Variants in ARPC5L observed in about 807,000 individuals in gnomAD.
ARPC5L encodes the protein actin-related protein 2/3 complex subunit 5-like protein.
In ARPC5L, 4 loss-of-function variants were observed where a neutral mutation model predicts 16.9. The observed-to-expected ratio is 0.24, with a 90% CI of 0.12 to 0.54. The LOEUF (loss-of-function observed/expected upper bound fraction) is 0.54, where lower values mean the gene tolerates loss of function less well. ARPC5L is among the 20% of genes least tolerant of loss of function. ARPC5L has a pLI of 0.95. For synonymous variants in ARPC5L, 78 were observed against 82.6 expected (o/e 0.94, Z 0.30); for missense variants, 151 against 201.9 (o/e 0.75, Z 1.53).
chr9:124,873,500 T>C (rs774443786), intron 3 of ARPC5L, 192 bp from the exon 4 acceptor site: 24 of 622,114 alleles, frequency 3.9e-5, no homozygotes, highest in Non-Finnish European at 6.3e-5. Flanking sequence ...AGGGTTTGCA[T>C]GGTTGGCAGA....
In ARPC5L at chr9:124,869,365, C is replaced by G. The variant is rs949065314; in HGVS notation, c.75C>G (p.Asp25Glu). Reference protein sequence around the residue: ...IDEFDENKFVDEQEEAAAAAA... With the variant: ...IDEFDENKFVEEQEEAAAAAA... ...AATTTGACGAGAACAAATTTGTGGA[C>G]GAGCAGGAGGAGGCGGCGGCGGCGG... is the stretch of plus-strand genomic sequence containing the variant. Residue 25 changes from aspartate (D) to glutamate (E), a missense_variant, in exon 3 of 6, where the codon GAC becomes GAG. Coordinates refer to ENST00000353214, the MANE Select transcript of ARPC5L (RefSeq NM_030978.3). 6.1e-5 allele frequency: 94 copies of G among 1,530,876 alleles called. No homozygotes were observed. Among genetic ancestry groups the G allele is most frequent in the Non-Finnish European group, 8.0e-5 (91 of 1,138,598 alleles). 94.8% of individuals were successfully genotyped at this position (1,530,876 alleles called of 1,614,324 possible).
Position 124,876,708 on chromosome 9 carries a change from C to T in ARPC5L, c.400-170C>T, listed in dbSNP as rs76773172. On this transcript the variant is annotated intron_variant, in intron 5 of 5. Coordinates refer to ENST00000353214, the MANE Select transcript of ARPC5L (RefSeq NM_030978.3). Reference sequence around the variant, plus strand: ...AGAGCCAACAGCTCTCGGGACCCCACGGCTCCAGGACAGGGCTCCTTCCCT... The same window carrying T: ...AGAGCCAACAGCTCTCGGGACCCCATGGCTCCAGGACAGGGCTCCTTCCCT... 6.6e-3 allele frequency among the ~76,000 whole-genome samples: 998 copies of T among 152,298 alleles called. 14 individuals are homozygous for T. Among genetic ancestry groups the T allele is most frequent in the African/African-American group, 0.022 (929 of 41,562 alleles).
intron 2 of ARPC5L, among the ~76,000 whole-genome samples, chr9:124,867,711 G>A (rs976480925): frequency 1.3e-5 from 2 of 152,050 alleles, no homozygotes; most frequent in African/African-American, 4.8e-5. Flanking sequence ...CTGTCTCGTG[G>A]CAGACCTGAA....
chr9:124,868,292 AT>A (rs1344160122), intron 2 of ARPC5L, 135 bp from the exon 3 acceptor site: 2 of 152,198 alleles, frequency 1.3e-5, no homozygotes, highest in African/African-American at 4.8e-5. Context: ...TTTTCACACT[AT>A]TATATAAAAA....
chr9:124,873,903 G>T, intron 4 of ARPC5L, 139 bp downstream of exon 4: 1 of 950,948 alleles, frequency 1.1e-6, no homozygotes, highest in South Asian at 1.5e-5. Context: ...AAGCCTCCTG[G>T]CGCTCCCTAG....
At position 124,868,750 on chromosome 9, in the gene ARPC5L, AACTCCT is replaced by A. The variant is rs1421379934; in HGVS notation, c.-536_-531del. 6.6e-6 allele frequency: 1 copy of A among 152,458 alleles called. No homozygotes were observed. Among genetic ancestry groups the A allele is most frequent in the African/African-American group, 2.4e-5 (1 of 41,488 alleles). The allele number at this position is 152,458 out of a possible 1,614,324, so 9.4% of individuals were successfully genotyped here. A position where few individuals can be genotyped will look rare whatever the true frequency, so the allele number is the denominator to read the frequency against. On this transcript the variant is annotated 5_prime_UTR_variant, in exon 3 of 6. Coordinates refer to ENST00000353214, the MANE Select transcript of ARPC5L (RefSeq NM_030978.3). ...TCCCGCGCCACTCCCCGGGCACAGG[AACTCCT>A]ACTCATCCCTCAGTCATCAGCTCGA... is the stretch of plus-strand genomic sequence containing the variant.
chr9:124,870,131 C>A (rs1829335057), intron 3 of ARPC5L, among the ~76,000 whole-genome samples: 1 of 152,182 alleles, frequency 6.6e-6, no homozygotes, highest in Non-Finnish European at 1.5e-5. Context: ...CTTGGCTCCC[C>A]CCAGTACCCT....
rs1829465679 is a variant in ARPC5L at position 124,877,624 on chromosome 9, G to A, written c.*684G>A. ...TCAGAGCTGCCGGCTGCTGCAGAGA[G>A]GTGTTTGCTGAATAAACTATTTATT... On this transcript the variant is annotated 3_prime_UTR_variant, in exon 6 of 6. Coordinates refer to ENST00000353214, the MANE Select transcript of ARPC5L (RefSeq NM_030978.3). 1 of 152,218 alleles carries A rather than the reference G, an allele frequency of 6.6e-6. No individual in the cohort carries two copies. The highest frequency in any genetic ancestry group is 6.5e-5 in the Admixed American group (1 of 15,280). 9.4% of individuals were successfully genotyped at this position (152,218 alleles called of 1,614,324 possible).
In ARPC5L at chr9:124,873,479, G is replaced by T. The variant is rs1198226822; in HGVS notation, c.150-213G>T. 23 of 595,358 alleles carry T rather than the reference G, an allele frequency of 3.9e-5. No homozygotes were observed. The Admixed American group carries it at 6.5e-4, about 17-fold the overall frequency. The allele number at this position is 595,358 out of a possible 1,614,324, so 36.9% of individuals were successfully genotyped here. A position where few individuals can be genotyped will look rare whatever the true frequency, so the allele number is the denominator to read the frequency against. On this transcript the variant is annotated intron_variant, in intron 3 of 5. Coordinates refer to ENST00000353214, the MANE Select transcript of ARPC5L (RefSeq NM_030978.3). ...TGCTTTGACGTGGAAGGTAGAGAGG[G>T]AGTTGAAAGGAGGGTTTGCATGGTT...
chr9:124,866,782 G>C (rs1157287993), intron 2 of ARPC5L, among the ~76,000 whole-genome samples: 1 of 152,124 alleles, frequency 6.6e-6, no homozygotes, highest in African/African-American at 2.4e-5. Context: ...CTGCCTGGTT[G>C]GGCTACCACT....
chr9:124,863,552 C>T (rs963325251), intron 1 of ARPC5L, among the ~76,000 whole-genome samples: 2 of 152,186 alleles, frequency 1.3e-5, no homozygotes, highest in African/African-American at 4.8e-5. Context: ...TCTTGAGTCT[C>T]AGTTTGCTCA....
intron 3 of ARPC5L, 113 bp downstream of exon 3, chr9:124,869,552 C>T: frequency 1.5e-6 from 2 of 1,378,080 alleles, no homozygotes; most frequent in East Asian, 3.1e-5. Context: ...CCCTTGGCCC[C>T]CTCAGGTCAG....
intron 3 of ARPC5L, 78 bp from the exon 4 acceptor site, chr9:124,873,614 A>C: frequency 1.3e-6 from 2 of 1,517,310 alleles, no homozygotes; most frequent in Non-Finnish European, 9.1e-7. Flanking sequence ...TCTGTTCCTG[A>C]GCTGTTTCTG....
In ARPC5L at chr9:124,875,172, G is replaced by A. The variant is rs756201112; in HGVS notation, c.399+21G>A. The A allele has an allele frequency of 9.3e-6, 15 of 1,604,388 alleles. No homozygotes were observed. In the East Asian group the frequency reaches 1.3e-4, roughly 14 times the overall value. ...AAAAGGTATGTGAACGCTGCCACGC[G>A]CCCCAGTGAGCCACCTGGCTTGCCT... is the stretch of plus-strand genomic sequence containing the variant. On this transcript the variant is annotated intron_variant, in intron 5 of 5. Coordinates refer to ENST00000353214, the MANE Select transcript of ARPC5L (RefSeq NM_030978.3).
At chr9:124,862,642 G>A (rs1346284375) in intron 1 of ARPC5L, among the ~76,000 whole-genome samples, 1 of 146,774 alleles carries the variant, frequency 6.8e-6, no homozygotes, top group East Asian at 2.1e-4. Context: ...CCAGCCTCCC[G>A]AGTAGCTGAG....
chr9:124,868,519 C>G lies in ARPC5L; in HGVS notation c.-772C>G, dbSNP rs1029404923. On this transcript the variant is annotated 5_prime_UTR_variant, in exon 3 of 6. Coordinates refer to ENST00000353214, the MANE Select transcript of ARPC5L (RefSeq NM_030978.3). The stretch of plus-strand genomic sequence containing the variant: ...CCACAGGGCCATCTCCCTCTCCTGG[C>G]GCCCCCAACTGCCTGGCCAAGGTGA... The G allele has an allele frequency of 6.6e-6, 1 of 152,316 alleles. No homozygotes were observed. The highest frequency in any genetic ancestry group is 2.4e-5 in the African/African-American group (1 of 41,470). The allele number at this position is 152,316 out of a possible 1,614,324, so 9.4% of individuals were successfully genotyped here.
At chr9:124,862,952 G>A (rs953132328) in intron 1 of ARPC5L, among the ~76,000 whole-genome samples, 12 of 151,210 alleles carry the variant, frequency 7.9e-5, no homozygotes, top group Non-Finnish European at 2.9e-5. Flanking sequence ...GGTTCAAGCA[G>A]CCCTCCCACC....
Position 124,877,264 on chromosome 9 carries a change from G to A in ARPC5L, c.*324G>A. On this transcript the variant is annotated 3_prime_UTR_variant, in exon 6 of 6. Transcript: ENST00000353214. ...TGGTTTGGGCAGGTGCAGATCCAAG[G>A]GCTGTGGTAAACGGGAGAGCTTGTG... is the stretch of plus-strand genomic sequence containing the variant. 1 of 274,234 alleles carries A rather than the reference G, an allele frequency of 3.6e-6. No individual in the cohort carries two copies. Among genetic ancestry groups the A allele is most frequent in the South Asian group, 5.6e-5 (1 of 17,810 alleles). The allele number at this position is 274,234 out of a possible 1,614,324, so 17.0% of individuals were successfully genotyped here. A position where few individuals can be genotyped will look rare whatever the true frequency, so the allele number is the denominator to read the frequency against.
In ARPC5L at chr9:124,869,355, A is replaced by G. The variant is rs1829320952; in HGVS notation, c.65A>G (p.Lys22Arg). The change falls in exon 3 of 6, where the codon AAA (lysine) becomes AGA (arginine). Residue 22 changes from lysine to arginine, a missense_variant. Physicochemically the swap from Lys to Arg is conservative, Grantham distance 26. Coordinates refer to ENST00000353214, the MANE Select transcript of ARPC5L (RefSeq NM_030978.3). The stretch of plus-strand genomic sequence containing the variant: ...GACATCGACGAATTTGACGAGAACA[A>G]ATTTGTGGACGAGCAGGAGGAGGCG... ...RVDIDEFDENKFVDEQEEAAA... is the reference protein window; with the variant it reads ...RVDIDEFDENRFVDEQEEAAA... 2.6e-6 allele frequency: 4 copies of G among 1,531,324 alleles called. No homozygotes were observed. The highest frequency in any genetic ancestry group is 3.5e-6 in the Non-Finnish European group (4 of 1,138,740). 94.9% of individuals were successfully genotyped at this position (1,531,324 alleles called of 1,614,324 possible).
Sources: allele counts gnomAD v4.1 joint callset (sites outside exome capture counted in the v4.1 genomes callset), GRCh38; gene constraint gnomAD v4.1.1; transcripts MANE v1.5; gene names NCBI Gene and HGNC (gene_info 2026-07-23, HGNC 2026-07-21).